PRKCB: variants seen among roughly 807,000 people sequenced by gnomAD.
The protein encoded by PRKCB is protein kinase C beta.
A neutral mutation model predicts 81.5 loss-of-function variants in PRKCB; 13 were observed. The observed-to-expected ratio is 0.16, with a 90% confidence interval of 0.10 to 0.25. The LOEUF is 0.25. Ranked by LOEUF, PRKCB falls within the 10% of genes least tolerant of loss-of-function variation. The pLI is 1.00. For missense variants in PRKCB, 509 were observed against 875.7 expected, an observed-to-expected ratio of 0.58 and a Z score of 5.29; for synonymous variants, 335 against 321.4, an observed-to-expected ratio of 1.04 and a Z score of -0.45.
At chr16:24,029,101 C>A (rs922850103) in intron 3 of PRKCB, among the ~76,000 whole-genome samples, 4 of 152,178 alleles carry the variant, frequency 2.6e-5, no homozygotes, top group African/African-American at 9.7e-5. Flanking sequence ...TGGATGTTTT[C>A]ATTTCACCGA....
chr16:23,939,294 G>C (rs796103952), intron 2 of PRKCB, among the ~76,000 whole-genome samples: 21 of 152,222 alleles, frequency 1.4e-4, no homozygotes, highest in African/African-American at 5.1e-4. Context: ...ATATAGTAAA[G>C]GTAGCAGCTA....
chr16:24,198,218 G>A (rs1244771527), intron 16 of PRKCB, among the ~76,000 whole-genome samples: 1 of 152,252 alleles, frequency 6.6e-6, no homozygotes, highest in Non-Finnish European at 1.5e-5. Context: ...GACAAGATAT[G>A]CTAGGTAATA....
At chr16:23,866,519 C>T (rs1962793122) in intron 2 of PRKCB, among the ~76,000 whole-genome samples, 1 of 152,190 alleles carries the variant, frequency 6.6e-6, no homozygotes, top group African/African-American at 2.4e-5. Context: ...TTTGGTGTCT[C>T]TTATAGAACT....
Position 24,218,461 on chromosome 16 carries a change from C to A in PRKCB, c.*3645C>A, listed in dbSNP as rs1413575271. The A allele has an allele frequency of 3.0e-6, 3 of 985,286 alleles. No homozygotes were observed. The African/African-American group carries it at 5.2e-5, about 17-fold the overall frequency. The allele number at this position is 985,286 out of a possible 1,614,324, so 61.0% of individuals were successfully genotyped here. A position where few individuals can be genotyped will look rare whatever the true frequency, so the allele number is the denominator to read the frequency against. On this transcript the variant is annotated 3_prime_UTR_variant, in exon 17 of 17. Transcript: ENST00000643927. ...AGCTCCATCAGCATCTTAGCCTGCCCCACTCTAGCCACACATACCCACGTG... is the reference window on the plus strand; with the variant it reads ...AGCTCCATCAGCATCTTAGCCTGCCACACTCTAGCCACACATACCCACGTG...
intron 2 of PRKCB, among the ~76,000 whole-genome samples, chr16:23,913,813 G>T (rs8051034): frequency 0.92 from 140,220 of 151,916 alleles, 64,922 homozygotes; most frequent in East Asian, 1. Context: ...ATGTTTGGCT[G>T]TATGCTCCAC....
chr16:24,021,203 T>TTTCCTTCCTTCC lies in PRKCB; in HGVS notation c.289-10930_289-10929insCTTCCTTCCTTC, dbSNP rs1234409509. Among the ~76,000 whole-genome samples, 30 of 50,480 alleles carry TTTCCTTCCTTCC rather than the reference T, an allele frequency of 5.9e-4. 7 individuals carry two copies. Among genetic ancestry groups the TTTCCTTCCTTCC allele is most frequent in the South Asian group, 2.1e-3 (2 of 942 alleles). 33.1% of individuals were successfully genotyped at this position (50,480 alleles called of 152,430 possible). ...CCCTTCCTTCCTCTTTCTTTCTTTC[T>TTTCCTTCCTTCC]TTCTTTCTTTCTTTCTTTCTTTCTT... On this transcript the variant is annotated intron_variant, in intron 3 of 16. Coordinates refer to ENST00000643927, the MANE Select transcript of PRKCB (RefSeq NM_002738.7).
intron 5 of PRKCB, among the ~76,000 whole-genome samples, chr16:24,072,574 TTCTC>T (rs965933795): frequency 6.7e-6 from 1 of 149,998 alleles, no homozygotes; most frequent in Non-Finnish European, 1.5e-5. Flanking sequence ...AACTCTCTCT[TTCTC>T]TCTCTCTCTC....
intron 2 of PRKCB, among the ~76,000 whole-genome samples, chr16:23,975,053 A>G (rs1207781761): frequency 6.6e-6 from 1 of 152,234 alleles, no homozygotes; most frequent in African/African-American, 2.4e-5. Flanking sequence ...AAGAAAAACA[A>G]CATTCCAGCT....
chr16:23,971,017 A>G (rs1964548275), intron 2 of PRKCB, among the ~76,000 whole-genome samples: 1 of 152,210 alleles, frequency 6.6e-6, no homozygotes, highest in Non-Finnish European at 1.5e-5. Flanking sequence ...GCATAAATGG[A>G]ATGTGGGGAT....
intron 8 of PRKCB, 130 bp downstream of exon 8, chr16:24,113,199 T>C (rs992609749): frequency 1.6e-6 from 1 of 610,108 alleles, no homozygotes; most frequent in East Asian, 3.2e-5. Flanking sequence ...TCCTTCTTCC[T>C]CTCTCTTTTC....
intron 2 of PRKCB, among the ~76,000 whole-genome samples, chr16:23,943,347 A>G (rs1964160988): frequency 6.6e-6 from 1 of 152,162 alleles, no homozygotes; most frequent in South Asian, 2.1e-4. Context: ...CAACATAGCA[A>G]GACCCCATCT....
At chr16:24,027,153 C>A (rs972229076) in intron 3 of PRKCB, among the ~76,000 whole-genome samples, 5 of 152,096 alleles carry the variant, frequency 3.3e-5, no homozygotes, top group Non-Finnish European at 5.9e-5. Context: ...TAGTCCCCCA[C>A]CCCCCGACAG....
chr16:23,881,928 T>G (rs1963114519), intron 2 of PRKCB, among the ~76,000 whole-genome samples: 1 of 152,126 alleles, frequency 6.6e-6, no homozygotes, highest in Non-Finnish European at 1.5e-5. Flanking sequence ...TTGCAGTATT[T>G]GTCTTTTCAT....
chr16:24,090,765 G>A (rs939106515), intron 5 of PRKCB, among the ~76,000 whole-genome samples: 1 of 152,202 alleles, frequency 6.6e-6, no homozygotes, highest in African/African-American at 2.4e-5. Flanking sequence ...TTGAAACTGA[G>A]ATTGAGAAAG....
intron 2 of PRKCB, among the ~76,000 whole-genome samples, chr16:23,897,316 C>A (rs1280913666): frequency 6.6e-6 from 1 of 152,170 alleles, no homozygotes; most frequent in Admixed American, 6.5e-5. Flanking sequence ...GTGGGGACTT[C>A]GTGCTGTGAC....
At chr16:23,930,172 A>G (rs1963950886) in intron 2 of PRKCB, among the ~76,000 whole-genome samples, 2 of 152,258 alleles carry the variant, frequency 1.3e-5, no homozygotes, top group South Asian at 4.1e-4. Context: ...GATTGGAGGC[A>G]GATGTTGACG....
intron 3 of PRKCB, among the ~76,000 whole-genome samples, chr16:23,999,650 C>T (rs1214561720): frequency 6.6e-6 from 1 of 152,192 alleles, no homozygotes; most frequent in Non-Finnish European, 1.5e-5. Flanking sequence ...TCTTGTACCT[C>T]TTAGAGAGAC....
chr16:23,836,781 G>A (rs1308511282), intron 1 of PRKCB, among the ~76,000 whole-genome samples: 6 of 136,942 alleles, frequency 4.4e-5, no homozygotes, highest in African/African-American at 1.3e-4. Flanking sequence ...GGGGGGCGGC[G>A]CCCTGGGTGT....
intron 2 of PRKCB, among the ~76,000 whole-genome samples, chr16:23,976,598 A>G (rs1407003277): frequency 6.6e-6 from 1 of 152,222 alleles, no homozygotes; most frequent in African/African-American, 2.4e-5. Context: ...GGGTGCTGTC[A>G]GGCAGAAACA....
Sources: allele counts gnomAD v4.1 joint callset (sites outside exome capture counted in the v4.1 genomes callset), GRCh38; gene constraint gnomAD v4.1.1; transcripts MANE v1.5; gene names NCBI Gene and HGNC (gene_info 2026-07-23, HGNC 2026-07-21).